Variants in MBOAT1 observed in about 807,000 individuals in gnomAD.
MBOAT1 encodes the protein membrane bound glycerophospholipid O-acyltransferase 1.
A neutral mutation model predicts 64.4 loss-of-function variants in MBOAT1; 67 were observed. The ratio of observed to expected loss-of-function variants is 1.04; its 90% CI spans 0.85 to 1.27. The LOEUF is 1.27. MBOAT1 is among the 50% of genes most tolerant of loss of function. The pLI, the probability that MBOAT1 is intolerant of heterozygous loss-of-function variation, is 0.00. For missense variants in MBOAT1, 563 were observed against 604.6 expected, an observed-to-expected ratio of 0.93 and a Z score of 0.72; for synonymous variants, 229 against 218.9, an observed-to-expected ratio of 1.05 and a Z score of -0.41.
At chr6:20,105,695 T>G (rs1759936576) in intron 12 of MBOAT1, among the ~76,000 whole-genome samples, 1 of 152,188 alleles carries the variant, frequency 6.6e-6, no homozygotes, top group African/African-American at 2.4e-5. Context: ...GAGGATCACC[T>G]GAACCAGGAG....
rs1174816793 is a variant in MBOAT1, at chr6:20,192,995, C to CTTTTTTTTTTTTTTTTTTTTTTTTT, written c.99+19116_99+19140dup. Among the ~76,000 whole-genome samples the CTTTTTTTTTTTTTTTTTTTTTTTTT allele has an allele frequency of 1.3e-4, 7 of 55,036 alleles. 2 individuals carry two copies. The highest frequency in any genetic ancestry group is 1.9e-4 in the African/African-American group (3 of 15,774). 36.1% of individuals were successfully genotyped at this position (55,036 alleles called of 152,430 possible). ...TTATTCAGCTGGTATGCTATAATTT[C>CTTTTTTTTTTTTTTTTTTTTTTTTT]TTTTTTTTTTTTTTTTTTTTTTTTT... On this transcript the variant is annotated intron_variant, in intron 1 of 12. Coordinates refer to ENST00000324607, the MANE Select transcript of MBOAT1 (RefSeq NM_001080480.3).
chr6:20,147,217 T>C (rs1361180994), intron 3 of MBOAT1, among the ~76,000 whole-genome samples: 1 of 152,232 alleles, frequency 6.6e-6, no homozygotes, highest in Non-Finnish European at 1.5e-5. Flanking sequence ...CAGGTATGTC[T>C]TTATCAGCAG....
At chr6:20,124,060 A>C (rs2113648276) in intron 8 of MBOAT1, among the ~76,000 whole-genome samples, 1 of 152,282 alleles carries the variant, frequency 6.6e-6, no homozygotes. Context: ...CCATGTCAAA[A>C]AAAAAGAAAG....
chr6:20,151,656 T>C (rs1342132757), intron 2 of MBOAT1, among the ~76,000 whole-genome samples: 1 of 152,182 alleles, frequency 6.6e-6, no homozygotes, highest in East Asian at 1.9e-4. Context: ...AGATACTTGT[T>C]GAAGGAATAG....
intron 1 of MBOAT1, among the ~76,000 whole-genome samples, chr6:20,179,199 A>G (rs1212799485): frequency 6.6e-6 from 1 of 151,716 alleles, no homozygotes; most frequent in African/African-American, 2.4e-5. Context: ...GAGAAAACTC[A>G]CACAAAGTTA....
chr6:20,129,763 G>C (rs950153227), intron 5 of MBOAT1, among the ~76,000 whole-genome samples: 3 of 152,116 alleles, frequency 2.0e-5, no homozygotes, highest in African/African-American at 7.2e-5. Flanking sequence ...AACTGATTTT[G>C]GCTATTGATT....
At chr6:20,102,988 T>C (rs949239693) in intron 12 of MBOAT1, among the ~76,000 whole-genome samples, 1 of 152,236 alleles carries the variant, frequency 6.6e-6, no homozygotes, top group African/African-American at 2.4e-5. Flanking sequence ...TACTATTACA[T>C]ACAATACATA....
chr6:20,197,128 T>A (rs931526703), intron 1 of MBOAT1, among the ~76,000 whole-genome samples: 2 of 152,146 alleles, frequency 1.3e-5, no homozygotes, highest in African/African-American at 4.8e-5. Flanking sequence ...AAATTTTTTT[T>A]TTTAAATAGA....
At chr6:20,178,513 G>A (rs897975646) in intron 1 of MBOAT1, among the ~76,000 whole-genome samples, 1 of 152,142 alleles carries the variant, frequency 6.6e-6, no homozygotes. Flanking sequence ...CTTCCCTTTA[G>A]AGCACAGGAT....
intron 1 of MBOAT1, among the ~76,000 whole-genome samples, chr6:20,194,058 C>T (rs1762885952): frequency 6.6e-6 from 1 of 152,070 alleles, no homozygotes; most frequent in Non-Finnish European, 1.5e-5. Context: ...AAATGGACGG[C>T]CTCAATGTCT....
rs766866558 is a variant in MBOAT1 at position 20,102,265 on chromosome 6, G to T, written c.*21C>A. On this transcript the variant is annotated 3_prime_UTR_variant, in exon 13 of 13. Transcript: ENST00000324607. ...TTTCGAACGTTCTGCAGTTTTGCTT[G>T]TTCCGCTTCTCTTGGAGGTATCAAT... The T allele has an allele frequency of 8.1e-6, 13 of 1,607,512 alleles. No homozygotes were observed. The South Asian group carries it at 1.4e-4, about 18-fold the overall frequency.
chr6:20,151,182 T>C lies in MBOAT1; in HGVS notation c.323+3A>G. 1.3e-6 allele frequency: 2 copies of C among 1,597,848 alleles called. No homozygotes were observed. Among genetic ancestry groups the C allele is most frequent in the Non-Finnish European group, 1.7e-6 (2 of 1,166,440 alleles). On this transcript the variant is annotated splice_donor_region_variant and intron_variant, in intron 3 of 12. Coordinates refer to ENST00000324607, the MANE Select transcript of MBOAT1 (RefSeq NM_001080480.3). ...CTTGCATTGTTCATTCCCAGTATCT[T>C]ACCTGTGAATATTGGATACACTAGC...
chr6:20,211,516 T>C (rs868248340), intron 1 of MBOAT1, among the ~76,000 whole-genome samples: 13 of 152,234 alleles, frequency 8.5e-5, no homozygotes, highest in South Asian at 4.2e-4. Flanking sequence ...ACAGTTCAAA[T>C]AACTTCACTG....
At chr6:20,191,371 C>T (rs181833660) in intron 1 of MBOAT1, among the ~76,000 whole-genome samples, 1 of 152,288 alleles carries the variant, frequency 6.6e-6, no homozygotes, top group East Asian at 1.9e-4. Flanking sequence ...TGTGCTATAG[C>T]AGCAGAAAAA....
intron 1 of MBOAT1, among the ~76,000 whole-genome samples, chr6:20,211,371 T>C (rs1366041213): frequency 1.3e-5 from 2 of 152,178 alleles, no homozygotes; most frequent in African/African-American, 4.8e-5. Flanking sequence ...CACTACTAAG[T>C]ATCCCGCAGA....
chr6:20,121,935 C>T (rs1561750609), intron 8 of MBOAT1, among the ~76,000 whole-genome samples: 1 of 152,184 alleles, frequency 6.6e-6, no homozygotes, highest in Admixed American at 6.5e-5. Context: ...GAGGCTGAGG[C>T]GGGTGAATCA....
intron 1 of MBOAT1, among the ~76,000 whole-genome samples, chr6:20,177,387 T>C (rs1282035593): frequency 1.3e-5 from 2 of 152,146 alleles, no homozygotes; most frequent in African/African-American, 2.4e-5. Flanking sequence ...AGAGACGCAG[T>C]CTTACTTTGT....
At chr6:20,151,531 C>A (rs1166119008) in intron 2 of MBOAT1, among the ~76,000 whole-genome samples, 1 of 152,162 alleles carries the variant, frequency 6.6e-6, no homozygotes, top group East Asian at 1.9e-4. Context: ...TTCCCATATG[C>A]AATTGAGAGT....
intron 1 of MBOAT1, among the ~76,000 whole-genome samples, chr6:20,199,274 CAG>C (rs1348409838): frequency 6.6e-6 from 1 of 152,166 alleles, no homozygotes; most frequent in Admixed American, 6.5e-5. Context: ...TAAGATGAAA[CAG>C]AGCTTCACCC....
Sources: allele counts gnomAD v4.1 joint callset (sites outside exome capture counted in the v4.1 genomes callset), GRCh38; gene constraint gnomAD v4.1.1; transcripts MANE v1.5; gene names NCBI Gene and HGNC (gene_info 2026-07-23, HGNC 2026-07-21).